Variants in IKZF2 observed in about 807,000 individuals in gnomAD.
The protein encoded by IKZF2 is IKAROS family zinc finger 2, also known as zinc finger protein Helios.
IKZF2 carries 15 observed loss-of-function variants against 49.2 expected under a neutral mutation model. The observed-to-expected ratio is 0.30, with a 90% CI of 0.20 to 0.47. The LOEUF is 0.47. Among genes scored for constraint, IKZF2 ranks in the 20% least tolerant of loss-of-function variants. The pLI is 1.00. For synonymous variants in IKZF2, 227 were observed against 221.4 expected (o/e 1.03, Z -0.23); for missense variants, 567 against 664.6 (o/e 0.85, Z 1.61).
intron 3 of IKZF2, among the ~76,000 whole-genome samples, chr2:213,148,365 G>A (rs758536579): frequency 5.9e-5 from 9 of 152,166 alleles, no homozygotes; most frequent in Non-Finnish European, 1.0e-4. Context: ...GTGTTGAACT[G>A]CTAGCTACTA....
At chr2:213,139,192 T>C (rs1366405106) in intron 4 of IKZF2, among the ~76,000 whole-genome samples, 1 of 151,852 alleles carries the variant, frequency 6.6e-6, no homozygotes, top group Non-Finnish European at 1.5e-5. Context: ...TGTATTAATA[T>C]AGGTTACAGA....
chr2:213,083,238 A>G (rs1574775788), intron 4 of IKZF2, among the ~76,000 whole-genome samples: 2 of 152,212 alleles, frequency 1.3e-5, no homozygotes, highest in East Asian at 1.9e-4. Flanking sequence ...CAGGCCAGGG[A>G]CCAGTAGGAA....
At chr2:213,049,171 C>T (rs904334553) in intron 6 of IKZF2, among the ~76,000 whole-genome samples, 3 of 151,780 alleles carry the variant, frequency 2.0e-5, no homozygotes, top group African/African-American at 7.3e-5. Flanking sequence ...TTTCAGAGTA[C>T]CCAATGACTA....
intron 4 of IKZF2, among the ~76,000 whole-genome samples, chr2:213,087,614 A>C (rs1005395377): frequency 6.6e-6 from 1 of 152,084 alleles, no homozygotes; most frequent in Admixed American, 6.5e-5. Context: ...CATTTACATT[A>C]GGTATATCTC....
At chr2:213,048,453 G>T (rs745589978) in intron 6 of IKZF2, among the ~76,000 whole-genome samples, 2 of 151,950 alleles carry the variant, frequency 1.3e-5, no homozygotes, top group Non-Finnish European at 2.9e-5. Flanking sequence ...ATTTAACTCT[G>T]GCTAGAGTAC....
intron 4 of IKZF2, among the ~76,000 whole-genome samples, chr2:213,115,720 C>T (rs995722838): frequency 5.3e-5 from 8 of 152,200 alleles, no homozygotes; most frequent in African/African-American, 1.9e-4. Flanking sequence ...TATCTTGGAA[C>T]AGTCATAATT....
chr2:213,101,954 G>A (rs150834315), intron 4 of IKZF2, among the ~76,000 whole-genome samples: 1 of 152,122 alleles, frequency 6.6e-6, no homozygotes, highest in Non-Finnish European at 1.5e-5. Flanking sequence ...TGCCATTTCA[G>A]ATAACTGATC....
chr2:213,030,278 A>G (rs1261367208), intron 6 of IKZF2, among the ~76,000 whole-genome samples: 6 of 151,806 alleles, frequency 4.0e-5, no homozygotes, highest in Non-Finnish European at 7.4e-5. Context: ...TTTTTTCTAA[A>G]TCTTTAGAAG....
intron 6 of IKZF2, among the ~76,000 whole-genome samples, chr2:213,041,426 C>T (rs968558341): frequency 6.6e-6 from 1 of 151,978 alleles, no homozygotes; most frequent in Non-Finnish European, 1.5e-5. Flanking sequence ...CCTCAGCCTC[C>T]CGAGTAGCTG....
intron 4 of IKZF2, among the ~76,000 whole-genome samples, chr2:213,102,589 A>C (rs1706833017): frequency 6.6e-6 from 1 of 152,056 alleles, no homozygotes; most frequent in African/African-American, 2.4e-5. Context: ...ATAACTCTTC[A>C]TTAGAAATTA....
chr2:213,136,370 CAAAA>C (rs11325415), intron 4 of IKZF2, among the ~76,000 whole-genome samples: 1 of 53,648 alleles, frequency 1.9e-5, no homozygotes, highest in East Asian at 6.2e-4. Context: ...GACACTGTCT[CAAAA>C]AAAAAAAAAA....
At chr2:213,145,807 C>T (rs1367644638) in intron 4 of IKZF2, among the ~76,000 whole-genome samples, 2 of 151,940 alleles carry the variant, frequency 1.3e-5, no homozygotes, top group Non-Finnish European at 2.9e-5. Context: ...TTAGCCAAAA[C>T]CTGTACTAAC....
At chr2:213,149,128 CA>C (rs2061184309) in intron 2 of IKZF2, among the ~76,000 whole-genome samples, 1 of 152,030 alleles carries the variant, frequency 6.6e-6, no homozygotes, top group Admixed American at 6.5e-5. Context: ...CAAAACAAAA[CA>C]AAAAACTTAG....
chr2:213,123,149 T>C (rs2060112904), intron 4 of IKZF2, among the ~76,000 whole-genome samples: 1 of 152,222 alleles, frequency 6.6e-6, no homozygotes, highest in East Asian at 1.9e-4. Flanking sequence ...CTCCATATTA[T>C]CTTTTTCACC....
chr2:213,005,253 T>A lies in IKZF2; in HGVS notation c.*2107A>T, dbSNP rs1024167700. On this transcript the variant is annotated 3_prime_UTR_variant, in exon 9 of 9. Transcript: ENST00000434687. ...CTTTAAATAGGTTGTATGTTCACTA[T>A]GTACCAAGGCATGCAGAAAAAAAAA... is the stretch of plus-strand genomic sequence containing the variant. The A allele has an allele frequency of 6.7e-6, 1 of 149,354 alleles. No individual in the cohort carries two copies. Among genetic ancestry groups the A allele is most frequent in the African/African-American group, 2.5e-5 (1 of 40,214 alleles). 9.3% of individuals were successfully genotyped at this position (149,354 alleles called of 1,614,324 possible).
At position 213,001,611 on chromosome 2, in the gene IKZF2, A is replaced by C. The variant is rs549306733; in HGVS notation, c.*5749T>G. The stretch of plus-strand genomic sequence containing the variant: ...TCAGCAGATTATACAACCAACAAAA[A>C]TCACGAAAAAAAAATTAAGATTAAA... On this transcript the variant is annotated 3_prime_UTR_variant, in exon 9 of 9. Transcript: ENST00000434687. 2 of 151,656 alleles carry C rather than the reference A, an allele frequency of 1.3e-5. No individual in the cohort carries two copies. The highest frequency in any genetic ancestry group is 3.0e-5 in the Non-Finnish European group (2 of 67,542). The allele number at this position is 151,656 out of a possible 1,614,324, so 9.4% of individuals were successfully genotyped here.
At chr2:213,016,782 A>G (rs1296167252) in intron 7 of IKZF2, 1 of 152,108 alleles carries the variant, frequency 6.6e-6, no homozygotes, top group Non-Finnish European at 1.5e-5. Flanking sequence ...TGTATTCCCA[A>G]TGTATTCTTT....
In IKZF2 at chr2:213,109,896, T is replaced by C. The variant is rs150536387; in HGVS notation, c.139+37812A>G. Among the ~76,000 whole-genome samples, 250 of 152,148 alleles carry C rather than the reference T, an allele frequency of 1.6e-3. 1 individual carries two copies. Among genetic ancestry groups the C allele is most frequent in the African/African-American group, 5.9e-3 (244 of 41,544 alleles). The stretch of plus-strand genomic sequence containing the variant: ...CTGGTGTTTTAAAACTACCACTTAA[T>C]TACACTGTTCAATATTAATTGCTTG... On this transcript the variant is annotated intron_variant, in intron 4 of 8. Transcript: ENST00000434687.
At chr2:213,078,868 G>T (rs1703575760) in intron 4 of IKZF2, among the ~76,000 whole-genome samples, 1 of 152,172 alleles carries the variant, frequency 6.6e-6, no homozygotes, top group Admixed American at 6.5e-5. Flanking sequence ...CAACCAAACT[G>T]CTCTCTGAGT....
Sources: gnomAD v4.1 joint callset for allele counts (sites outside exome capture counted in the v4.1 genomes callset) on GRCh38, gnomAD v4.1.1 for gene constraint, MANE v1.5 for transcripts, NCBI Gene and HGNC (gene_info 2026-07-23, HGNC 2026-07-21) for gene names.